IFT25: variants seen among roughly 807,000 people sequenced by gnomAD.
IFT25 encodes the protein intraflagellar transport 25.
At chr1:53,916,851 G>A in the IFT25 span, 62,791 of 395,520 alleles carry the variant, frequency 0.16, 7,012 homozygotes, top group African/African-American at 0.42. Context: ...TTTAAAATTT[G>A]CTTTTCCGGG....
the IFT25 span, among the ~76,000 whole-genome samples, chr1:53,923,357 T>C: frequency 1.1e-4 from 16 of 152,210 alleles, no homozygotes; most frequent in African/African-American, 3.6e-4. Context: ...CTACCAGGAA[T>C]AGCGGAACTC....
the IFT25 span, among the ~76,000 whole-genome samples, chr1:53,935,611 C>CCA: frequency 2.3e-4 from 34 of 148,688 alleles, no homozygotes; most frequent in Admixed American, 3.3e-4. Flanking sequence ...TACCCACCCC[C>CCA]AAAAAAAGGC....
At chr1:53,925,690 G>C in the IFT25 span, among the ~76,000 whole-genome samples, 1 of 149,444 alleles carries the variant, frequency 6.7e-6, no homozygotes, top group Non-Finnish European at 1.5e-5. Context: ...AAAGAAAAAA[G>C]AAAAATATCA....
chr1:53,940,379 C>T, the IFT25 span, among the ~76,000 whole-genome samples: 83 of 151,878 alleles, frequency 5.5e-4, 1 homozygote, highest in African/African-American at 1.9e-3. Flanking sequence ...GAAGGTCAAC[C>T]GAGGAGAACA....
the IFT25 span, among the ~76,000 whole-genome samples, chr1:53,935,014 G>A: frequency 1.3e-5 from 2 of 152,082 alleles, no homozygotes; most frequent in African/African-American, 2.4e-5. Context: ...AACAAAAAAC[G>A]AAAGAAAGAA....
the IFT25 span, among the ~76,000 whole-genome samples, chr1:53,944,382 C>A: frequency 6.6e-6 from 1 of 152,198 alleles, no homozygotes; most frequent in African/African-American, 2.4e-5. Context: ...TGGTGGCAGG[C>A]GCCTGTAATC....
At chr1:53,916,818 A>G in the IFT25 span, 1 of 396,058 alleles carries the variant, frequency 2.5e-6, no homozygotes. Context: ...TGGCTTTTGA[A>G]ATGCCTTTCC....
the IFT25 span, chr1:53,930,040 A>G: frequency 1.3e-6 from 2 of 1,548,928 alleles, no homozygotes; most frequent in Non-Finnish European, 1.7e-6. Context: ...TTTGCTTACC[A>G]AAGTAACTTT....
chr1:53,922,908 T>C, the IFT25 span, among the ~76,000 whole-genome samples: 1 of 152,122 alleles, frequency 6.6e-6, no homozygotes, highest in Non-Finnish European at 1.5e-5. Context: ...GGTAATAAAA[T>C]TCTGGGTGAT....
chr1:53,945,589 C>G, the IFT25 span: 1 of 152,906 alleles, frequency 6.5e-6, no homozygotes, highest in Non-Finnish European at 1.5e-5. Context: ...GCCGGACCTT[C>G]CGGGCTCGAA....
the IFT25 span, among the ~76,000 whole-genome samples, chr1:53,924,603 G>A: frequency 6.6e-6 from 1 of 152,186 alleles, no homozygotes; most frequent in African/African-American, 2.4e-5. Context: ...TTGGGAGGCC[G>A]AGGTGGGCGG....
At chr1:53,936,122 A>G in the IFT25 span, among the ~76,000 whole-genome samples, 1 of 151,812 alleles carries the variant, frequency 6.6e-6, no homozygotes, top group Non-Finnish European at 1.5e-5. Flanking sequence ...CCCTGTCTCT[A>G]CTAGAAATAC....
chr1:53,924,279 G>GA, the IFT25 span, among the ~76,000 whole-genome samples: 6 of 151,648 alleles, frequency 4.0e-5, no homozygotes, highest in African/African-American at 1.2e-4. Context: ...CCCCTTTCAA[G>GA]AAAAAAAAGT....
At chr1:53,936,754 T>C in the IFT25 span, among the ~76,000 whole-genome samples, 1 of 152,088 alleles carries the variant, frequency 6.6e-6, no homozygotes, top group African/African-American at 2.4e-5. Flanking sequence ...AAGGACTGAT[T>C]TTCTCTCTTC....
At chr1:53,926,619 T>C in the IFT25 span, among the ~76,000 whole-genome samples, 1 of 152,220 alleles carries the variant, frequency 6.6e-6, no homozygotes, top group Non-Finnish European at 1.5e-5. Flanking sequence ...ATTAAGTCTC[T>C]TTTAACCTTC....
At chr1:53,928,371 C>G in the IFT25 span, 1 of 1,608,992 alleles carries the variant, frequency 6.2e-7, no homozygotes, top group South Asian at 1.1e-5. Flanking sequence ...GAAACACATA[C>G]CTTTTTCAAT....
At chr1:53,938,262 T>C in the IFT25 span, among the ~76,000 whole-genome samples, 1 of 152,220 alleles carries the variant, frequency 6.6e-6, no homozygotes, top group South Asian at 2.1e-4. Context: ...TATGTATGTG[T>C]GTATGTGTGT....
the IFT25 span, among the ~76,000 whole-genome samples, chr1:53,941,784 A>C: frequency 6.6e-6 from 1 of 152,344 alleles, no homozygotes; most frequent in Non-Finnish European, 1.5e-5. Context: ...AGTAGCAGTA[A>C]CATTAGTTTA....
At chr1:53,917,714 C>G in the IFT25 span, among the ~76,000 whole-genome samples, 3 of 152,050 alleles carry the variant, frequency 2.0e-5, no homozygotes, top group African/African-American at 7.2e-5. Context: ...GTAATCCCAG[C>G]TACTCAGGAG....
Sources: gnomAD v4.1 joint callset for allele counts (sites outside exome capture counted in the v4.1 genomes callset) on GRCh38, gnomAD v4.1.1 for gene constraint, MANE v1.5 for transcripts, NCBI Gene and HGNC (gene_info 2026-07-23, HGNC 2026-07-21) for gene names.